Variants in ATG16L2 observed in about 807,000 individuals in gnomAD.
The protein encoded by ATG16L2 is autophagy related 16 like 2.
In ATG16L2, 77 loss-of-function variants were observed where a neutral mutation model predicts 84.7. That is an observed-to-expected ratio of 0.91 (90% CI 0.76 to 1.10). The LOEUF (loss-of-function observed/expected upper bound fraction) is 1.10, where lower values mean the gene tolerates loss of function less well. Among genes scored for constraint, ATG16L2 ranks in the 50% least tolerant of loss-of-function variants. The pLI, the probability that ATG16L2 is intolerant of heterozygous loss-of-function variation, is 0.00. For missense variants in ATG16L2, 782 were observed against 817.6 expected (o/e 0.96, Z 0.53); for synonymous variants, 361 against 342.8 (o/e 1.05, Z -0.59).
chr11:72,829,949 GGA>G (rs1355835285), downstream of ATG16L2, among the ~76,000 whole-genome samples: 4 of 152,172 alleles, frequency 2.6e-5, no homozygotes, highest in Non-Finnish European at 4.4e-5. Context: ...GGAGCTCTGA[GGA>G]GAGGGCAGGG....
rs767437963 is a variant in ATG16L2, at chr11:72,841,618, C to T, written c.*22-999C>T. On this transcript the variant is annotated intron_variant, in intron 5 of 5. Transcript: ENST00000534905. Reference sequence around the variant, plus strand: ...AGGGAAGCGAGGTTACCCGGTGCTCCCCTCCAGGAAGGAGAGCCTGGCTGC... The same window carrying T: ...AGGGAAGCGAGGTTACCCGGTGCTCTCCTCCAGGAAGGAGAGCCTGGCTGC... The T allele has an allele frequency of 3.2e-6, 5 of 1,556,458 alleles. No homozygotes were observed. The South Asian group carries it at 6.0e-5, about 19-fold the overall frequency.
chr11:72,842,711 G>A, exon 6 of ATG16L2: 1 of 1,614,010 alleles, frequency 6.2e-7, no homozygotes, highest in Admixed American at 1.7e-5. Flanking sequence ...TACGCCCATT[G>A]AATTCCCCTT....
rs1860485745 is a variant in ATG16L2, at chr11:72,828,378, G to A, written c.1492G>A (p.Val498Ile). The stretch of plus-strand genomic sequence containing the variant: ...CCTCAGGGGGCCCCACTGCACCCAG[G>A]TCATCCCTGTGCAGGGCCGGGTCAC... ...WDSRGPHCTQ[V>I]IPVQGRVTSL... The change falls in exon 15 of 18, where the codon GTC becomes ATC. Residue 498 changes from valine to isoleucine, a missense_variant. Physicochemically the swap from Val to Ile is conservative, Grantham distance 29. Transcript: ENST00000321297. 6.2e-7 allele frequency: 1 copy of A among 1,614,100 alleles called. No individual in the cohort carries two copies. Among genetic ancestry groups the A allele is most frequent in the South Asian group, 1.1e-5 (1 of 91,088 alleles).
At chr11:72,842,489 GC>G (rs759337407) in intron 5 of ATG16L2, 20 of 1,045,654 alleles carry the variant, frequency 1.9e-5, no homozygotes, top group Non-Finnish European at 2.6e-5. Context: ...ATGCAGTTGT[GC>G]AGACACTGGC....
rs1276521569 is a variant in ATG16L2 at position 72,824,137 on chromosome 11, G to GCCTGTGTGTGCA, written c.887+18_887+29dup. The GCCTGTGTGTGCA allele has an allele frequency of 1.9e-6, 3 of 1,614,144 alleles. No homozygotes were observed. The highest frequency in any genetic ancestry group is 2.7e-5 in the African/African-American group (2 of 75,050). ...GGGCTTCTGGAGTAAGTGTGTGTGT[G>GCCTGTGTGTGCA]CCTGTGTGTGCACCCACGTGTGTGT... On this transcript the variant is annotated intron_variant, in intron 8 of 17. Coordinates refer to ENST00000321297, the MANE Select transcript of ATG16L2 (RefSeq NM_033388.2).
chr11:72,822,362 C>A lies in ATG16L2; in HGVS notation c.644+67C>A. On this transcript the variant is annotated intron_variant, in intron 5 of 17. Coordinates refer to ENST00000321297, the MANE Select transcript of ATG16L2 (RefSeq NM_033388.2). The surrounding 1 kb of genome is among the most constrained non-coding windows in gnomAD (Gnocchi z 4.2). ...CCCTGCAGGGAGGAGTCGGGCCTCG[C>A]CGGTGTCTGGAAGGGAGGGGGGCAG... 1 of 1,561,578 alleles carries A rather than the reference C, an allele frequency of 6.4e-7. No homozygotes were observed. Among genetic ancestry groups the A allele is most frequent in the South Asian group, 1.2e-5 (1 of 85,970 alleles).
chr11:72,829,770 G>A (rs993458065), downstream of ATG16L2: 23 of 378,306 alleles, frequency 6.1e-5, no homozygotes, highest in Non-Finnish European at 8.2e-5. Flanking sequence ...TGCCTGCAGA[G>A]ACAGGTGCTG....
intron 4 of ATG16L2, 133 bp from the exon 5 acceptor site, chr11:72,821,910 TG>T: frequency 7.1e-7 from 1 of 1,417,452 alleles, no homozygotes; most frequent in Admixed American, 2.7e-5. Flanking sequence ...GGCGAAGGCT[TG>T]GGGGAGACCT....
downstream of ATG16L2, among the ~76,000 whole-genome samples, chr11:72,830,568 T>G (rs915102734): frequency 2.6e-5 from 4 of 152,150 alleles, no homozygotes; most frequent in African/African-American, 4.8e-5. Context: ...CCCCTGGGTT[T>G]AAGCAATCCT....
chr11:72,824,240 G>C (rs1157128457), intron 8 of ATG16L2, 118 bp downstream of exon 8: 10 of 1,282,866 alleles, frequency 7.8e-6, no homozygotes, highest in Non-Finnish European at 1.1e-5. Context: ...GTCTGCCTGT[G>C]AGTCTGTTGG....
downstream of ATG16L2, among the ~76,000 whole-genome samples, chr11:72,831,856 C>G (rs1240948203): frequency 6.6e-6 from 1 of 152,230 alleles, no homozygotes; most frequent in Non-Finnish European, 1.5e-5. Flanking sequence ...AGCCCTGCAG[C>G]TGGACTGTGG....
intron 5 of ATG16L2, chr11:72,838,900 T>A (rs778251705): frequency 5.1e-6 from 8 of 1,583,986 alleles, no homozygotes; most frequent in Non-Finnish European, 6.9e-6. Context: ...TTACGTAGTT[T>A]GTCAGTCAGT....
intron 5 of ATG16L2, among the ~76,000 whole-genome samples, chr11:72,840,124 C>T (rs904314543): frequency 2.6e-5 from 4 of 152,288 alleles, no homozygotes; most frequent in Admixed American, 1.3e-4. Context: ...TTCTGCCACC[C>T]TCCATCCATC....
chr11:72,823,157 C>G lies in ATG16L2; in HGVS notation c.824+196C>G, dbSNP rs545290399. The G allele has an allele frequency of 3.4e-4, 185 of 544,234 alleles. 3 individuals are homozygous for G. The South Asian group carries it at 3.5e-3, about 10-fold the overall frequency. 33.7% of individuals were successfully genotyped at this position (544,234 alleles called of 1,614,324 possible). On this transcript the variant is annotated intron_variant, in intron 7 of 17. Transcript: ENST00000321297. ...CTTGGGGTCAGTTCCATCTCACCCCCCCAACCCCTACCCTCAACCCTTTCC... is the reference window on the plus strand; with the variant it reads ...CTTGGGGTCAGTTCCATCTCACCCCGCCAACCCCTACCCTCAACCCTTTCC...
chr11:72,826,915 C>A, intron 13 of ATG16L2, 92 bp downstream of exon 13: 1 of 1,450,052 alleles, frequency 6.9e-7, no homozygotes, highest in Non-Finnish European at 9.4e-7. Context: ...CTGGGAGTGG[C>A]TCTGAGATTC....
chr11:72,829,639 C>G (rs182847493), downstream of ATG16L2: 121 of 1,300,178 alleles, frequency 9.3e-5, no homozygotes, highest in African/African-American at 1.4e-3. Flanking sequence ...ATCTGAACTG[C>G]GTCTGCCTAC....
rs760413646 is a variant in ATG16L2 at position 72,814,438 on chromosome 11, G to A, written c.-8G>A. The stretch of plus-strand genomic sequence containing the variant: ...GAGGAACGCGCCGCTAGGCGGGAGA[G>A]CGCGGCCATGGCGGGGCCGGGCGTC... On this transcript the variant is annotated 5_prime_UTR_variant, in exon 1 of 18. Transcript: ENST00000321297. The A allele has an allele frequency of 1.2e-3, 1,708 of 1,476,442 alleles. 3 individuals are homozygous for A. The highest frequency in any genetic ancestry group is 1.5e-3 in the Non-Finnish European group (1,615 of 1,105,938). 91.5% of individuals were successfully genotyped at this position (1,476,442 alleles called of 1,614,324 possible). A position where few individuals can be genotyped will look rare whatever the true frequency, so the allele number is the denominator to read the frequency against.
intron 1 of ATG16L2, 104 bp from the exon 2 acceptor site, chr11:72,816,624 G>A: frequency 1.1e-6 from 1 of 895,422 alleles, no homozygotes; most frequent in Non-Finnish European, 1.8e-6. Flanking sequence ...CCCATCCCTA[G>A]CATCTCTGGG....
chr11:72,818,037 C>T (rs1205698215), intron 3 of ATG16L2, 182 bp downstream of exon 3: 8 of 603,826 alleles, frequency 1.3e-5, no homozygotes, highest in Non-Finnish European at 2.3e-5. Context: ...CTGGGCAGCC[C>T]AGGATGAAGT....
Sources: gnomAD v4.1 joint callset for allele counts (sites outside exome capture counted in the v4.1 genomes callset) on GRCh38, gnomAD v4.1.1 for gene constraint, Gnocchi (gnomAD v3.1) non-coding constraint, MANE v1.5 for transcripts, NCBI Gene and HGNC (gene_info 2026-07-23, HGNC 2026-07-21) for gene names.